The following PTPN5 variants were observed in gnomAD, a reference collection of about 807,000 sequenced individuals.
PTPN5 encodes the protein tyrosine-protein phosphatase non-receptor type 5.
In PTPN5, 29 loss-of-function variants were observed where a neutral mutation model predicts 73.9. That is an observed-to-expected ratio of 0.39 (90% CI 0.29 to 0.54). The LOEUF (loss-of-function observed/expected upper bound fraction) is 0.54. PTPN5 is among the 20% of genes least tolerant of loss of function. The pLI, the probability that PTPN5 is intolerant of heterozygous loss-of-function variation, is 0.65. For missense variants in PTPN5, 652 were observed against 751.4 expected, an observed-to-expected ratio of 0.87 and a Z score of 1.55; for synonymous variants, 267 against 304.7, an observed-to-expected ratio of 0.88 and a Z score of 1.29.
rs567010387 is a variant in PTPN5, at chr11:18,744,139, T to C, written c.158A>G (p.Gln53Arg). Residue 53 changes from glutamine (Q) to arginine (R), a missense_variant, in exon 4 of 15, where the codon CAG becomes CGG. Physicochemically the swap from Gln to Arg is conservative, Grantham distance 43. Around this residue, in one of 3 missense-constraint regions of PTPN5, gnomAD observed 529 missense variants for 573.9 expected, o/e 0.92. Coordinates refer to ENST00000358540, the MANE Select transcript of PTPN5 (RefSeq NM_006906.2). ...LDEAEGLQDS[Q>R]REMPPPPPPS... ...AGGAGGGGGTGGCGGCATCTCTCTCTGTGAGTCCTGGAGCCCTTCAGCCTC... is the reference window on the plus strand; with the variant it reads ...AGGAGGGGGTGGCGGCATCTCTCTCCGTGAGTCCTGGAGCCCTTCAGCCTC... The C allele has an allele frequency of 1.2e-6, 2 of 1,607,238 alleles. No individual in the cohort carries two copies. Among genetic ancestry groups the C allele is most frequent in the Admixed American group, 1.7e-5 (1 of 58,750 alleles).
chr11:18,777,959 AAAGG>A (rs889901724), intron 1 of PTPN5, among the ~76,000 whole-genome samples: 2,041 of 141,232 alleles, frequency 0.014, 41 homozygotes, highest in African/African-American at 0.051. Flanking sequence ...AGAAAGGAAG[AAAGG>A]AAGGAAGGAA....
rs554750325 is a variant in PTPN5 at position 18,755,493 on chromosome 11, T to C, written c.97+10314A>G. ...CTTCCTCAGGTAATATGGATTTTCA[T>C]AGCAGGCTGTATTCCCAATGAGGAG... On this transcript the variant is annotated intron_variant, in intron 3 of 14. Transcript: ENST00000358540. 2.8e-4 allele frequency among the ~76,000 whole-genome samples: 43 copies of C among 152,300 alleles called. 1 individual carries two copies. In the South Asian group the frequency reaches 8.7e-3, roughly 31 times the overall value.
At chr11:18,765,503 G>GCCC (rs1437309918) in intron 3 of PTPN5, among the ~76,000 whole-genome samples, 65 of 152,150 alleles carry the variant, frequency 4.3e-4, no homozygotes, top group Non-Finnish European at 2.4e-4. Flanking sequence ...TGAATGGTCA[G>GCCC]TGGTCATTCC....
chr11:18,790,183 C>T (rs1466290614), intron 1 of PTPN5, among the ~76,000 whole-genome samples: 1 of 151,956 alleles, frequency 6.6e-6, no homozygotes, highest in Non-Finnish European at 1.5e-5. Flanking sequence ...GAGAAACCAC[C>T]CGAACCTGGT....
intron 9 of PTPN5, among the ~76,000 whole-genome samples, chr11:18,736,537 G>A (rs557591195): frequency 6.6e-6 from 1 of 152,218 alleles, no homozygotes; most frequent in Admixed American, 6.5e-5. Context: ...CCGAGGAAAT[G>A]TGTGCCCAGT....
intron 3 of PTPN5, among the ~76,000 whole-genome samples, chr11:18,745,583 T>C (rs1849582151): frequency 6.6e-6 from 1 of 152,164 alleles, no homozygotes; most frequent in African/African-American, 2.4e-5. Flanking sequence ...CACCTATTCA[T>C]CTTGTAGACC....
At chr11:18,753,083 T>G (rs1330805762) in intron 3 of PTPN5, among the ~76,000 whole-genome samples, 1 of 152,226 alleles carries the variant, frequency 6.6e-6, no homozygotes, top group East Asian at 1.9e-4. Flanking sequence ...AGTGGAAGGC[T>G]GGGTTCTGGC....
At chr11:18,773,406 TG>T (rs1434764737) in intron 1 of PTPN5, among the ~76,000 whole-genome samples, 1 of 151,774 alleles carries the variant, frequency 6.6e-6, no homozygotes, top group African/African-American at 2.4e-5. Context: ...GGTGTGTGGG[TG>T]GGTGGCACTG....
In PTPN5 at chr11:18,742,404, C is replaced by A; in HGVS notation, c.583G>T (p.Glu195Ter). 1 of 1,614,188 alleles carries A rather than the reference C, an allele frequency of 6.2e-7. No homozygotes were observed. Among genetic ancestry groups the A allele is most frequent in the Non-Finnish European group, 8.5e-7 (1 of 1,180,034 alleles). The change falls in exon 7 of 15, where the codon GAG becomes TAG. Residue 195 changes from glutamate (E) to a stop codon, truncating the protein, a stop_gained. Coordinates refer to ENST00000358540, the MANE Select transcript of PTPN5 (RefSeq NM_006906.2). LOFTEE classifies it high-confidence loss of function. The surrounding 1 kb of genome is among the most constrained non-coding windows in gnomAD (Gnocchi z 4.1). The part of the protein sequence containing the change: ...VSRQPSFTYS[E>*]WMEEKIEDDF... ...TCCTCGATCTTCTCCTCCATCCACT[C>A]TGAGTAGGTGAAGGAGGGCTGGCGG... is the stretch of plus-strand genomic sequence containing the variant.
intron 3 of PTPN5, among the ~76,000 whole-genome samples, chr11:18,758,839 C>A (rs1170611683): frequency 6.6e-6 from 1 of 152,172 alleles, no homozygotes; most frequent in East Asian, 1.9e-4. Flanking sequence ...TTTGAAGATG[C>A]AGGGGACTGG....
At position 18,772,124 on chromosome 11, in the gene PTPN5, G is replaced by A. The variant is rs761850604; in HGVS notation, c.-113-53C>T. On this transcript the variant is annotated intron_variant, in intron 1 of 14. Coordinates refer to ENST00000358540, the MANE Select transcript of PTPN5 (RefSeq NM_006906.2). ...AGTGACTAGTCTCAGGTCACACAGT[G>A]TGCCAACAATTTGCTTTCAGGTAGT... The A allele has an allele frequency of 1.4e-5, 8 of 554,806 alleles. No homozygotes were observed. In the East Asian group the frequency reaches 2.4e-4, roughly 17 times the overall value. 34.4% of individuals were successfully genotyped at this position (554,806 alleles called of 1,614,324 possible). A position where few individuals can be genotyped will look rare whatever the true frequency, so the allele number is the denominator to read the frequency against.
At chr11:18,782,231 C>T (rs1564932813) in intron 1 of PTPN5, among the ~76,000 whole-genome samples, 2 of 146,222 alleles carry the variant, frequency 1.4e-5, no homozygotes, top group Non-Finnish European at 3.0e-5. Context: ...AAAACTATGT[C>T]TTTTTTTTTT....
intron 1 of PTPN5, among the ~76,000 whole-genome samples, chr11:18,787,241 C>A (rs1180540218): frequency 1.3e-5 from 2 of 152,162 alleles, no homozygotes; most frequent in African/African-American, 4.8e-5. Flanking sequence ...TATACCCTTA[C>A]TATGGTATAA....
At position 18,740,810 on chromosome 11, in the gene PTPN5, G is replaced by A. The variant is rs756980322; in HGVS notation, c.726-18C>T. On this transcript the variant is annotated intron_variant, in intron 7 of 14. Transcript: ENST00000358540. ...AACCCCTCCTGGAAGGACCAGGAAA[G>A]GGAGTGTGAGCCTCAGGGGCAGAGG... 6.8e-7 allele frequency: 1 copy of A among 1,475,166 alleles called. No individual in the cohort carries two copies. Among genetic ancestry groups the A allele is most frequent in the East Asian group, 2.5e-5 (1 of 39,796 alleles). The allele number at this position is 1,475,166 out of a possible 1,614,324, so 91.4% of individuals were successfully genotyped here. A position where few individuals can be genotyped will look rare whatever the true frequency, so the allele number is the denominator to read the frequency against.
chr11:18,745,645 C>G (rs1018772215), intron 3 of PTPN5, among the ~76,000 whole-genome samples: 4 of 152,114 alleles, frequency 2.6e-5, no homozygotes, highest in Middle Eastern at 3.2e-3. Flanking sequence ...ACGAGCACCC[C>G]ATGCCTCTCT....
intron 12 of PTPN5, chr11:18,730,579 T>G (rs1848830697): frequency 6.6e-6 from 1 of 152,282 alleles, no homozygotes; most frequent in Non-Finnish European, 1.5e-5. Flanking sequence ...AAAGGAGCTT[T>G]CACTCCTTCT....
chr11:18,745,540 C>G (rs1849579644), intron 3 of PTPN5, among the ~76,000 whole-genome samples: 1 of 152,168 alleles, frequency 6.6e-6, no homozygotes, highest in Non-Finnish European at 1.5e-5. Context: ...CTCTGTTCCC[C>G]TCCCCTGCCT....
intron 3 of PTPN5, among the ~76,000 whole-genome samples, chr11:18,759,432 G>A (rs1027926433): frequency 6.6e-6 from 1 of 152,214 alleles, no homozygotes; most frequent in Admixed American, 6.5e-5. Context: ...GAACCCAGCT[G>A]CCTGGCCATA....
rs41274354 is a variant in PTPN5, at chr11:18,744,212, G to A, written c.98-13C>T. 4,163 of 1,513,908 alleles carry A rather than the reference G, an allele frequency of 2.7e-3. 11 individuals are homozygous for A. Among genetic ancestry groups the A allele is most frequent in the Non-Finnish European group, 3.4e-3 (3,856 of 1,134,808 alleles). 93.8% of individuals were successfully genotyped at this position (1,513,908 alleles called of 1,614,324 possible). On this transcript the variant is annotated splice_polypyrimidine_tract_variant and intron_variant, in intron 3 of 14. Coordinates refer to ENST00000358540, the MANE Select transcript of PTPN5 (RefSeq NM_006906.2). ...GGCTGGGGGAGACCTGTGGAAGATGGGCCATGCGGGCCGATGACTCCGGCC... is the reference window on the plus strand; with the variant it reads ...GGCTGGGGGAGACCTGTGGAAGATGAGCCATGCGGGCCGATGACTCCGGCC...
Sources: allele counts gnomAD v4.1 joint callset (sites outside exome capture counted in the v4.1 genomes callset), GRCh38; gene constraint gnomAD v4.1.1; regional missense constraint gnomAD v4.1.1; non-coding constraint Gnocchi (gnomAD v3.1); transcripts MANE v1.5; gene names NCBI Gene and HGNC (gene_info 2026-07-23, HGNC 2026-07-21).